The following DENND1B variants were observed in gnomAD, a reference collection of about 807,000 sequenced individuals.
DENND1B encodes the protein DENN domain-containing protein 1B.
A neutral mutation model predicts 90.1 loss-of-function variants in DENND1B; 59 were observed. The ratio of observed to expected loss-of-function variants is 0.65; its 90% CI spans 0.53 to 0.81. The LOEUF (loss-of-function observed/expected upper bound fraction) is 0.81, where lower values mean the gene tolerates loss of function less well. DENND1B is among the 40% of genes least tolerant of loss of function. The probability of loss-of-function intolerance (pLI) is 0.00; values close to 1 mark genes in which losing one functional copy is unlikely to be tolerated. For synonymous variants in DENND1B, 337 were observed against 324.6 expected (o/e 1.04, Z -0.41); for missense variants, 862 against 912.6 (o/e 0.94, Z 0.71).
At chr1:197,682,975 T>C (rs1166318254) in intron 3 of DENND1B, among the ~76,000 whole-genome samples, 3 of 152,192 alleles carry the variant, frequency 2.0e-5, no homozygotes, top group Non-Finnish European at 2.9e-5. Flanking sequence ...CATTCTCTTT[T>C]ACTTTCAAAA....
chr1:197,607,423 C>G (rs866520809), intron 12 of DENND1B, among the ~76,000 whole-genome samples: 1 of 150,678 alleles, frequency 6.6e-6, no homozygotes, highest in South Asian at 2.1e-4. Flanking sequence ...ATAACTACAA[C>G]AAAAATTCTT....
At chr1:197,583,035 T>C in intron 15 of DENND1B, 117 bp downstream of exon 15, 1 of 886,130 alleles carries the variant, frequency 1.1e-6, no homozygotes, top group Non-Finnish European at 1.8e-6. Flanking sequence ...AAACAAAAAT[T>C]TCCTGACATT....
At chr1:197,572,727 A>G (rs1212512933) in intron 15 of DENND1B, among the ~76,000 whole-genome samples, 1 of 152,190 alleles carries the variant, frequency 6.6e-6, no homozygotes, top group Non-Finnish European at 1.5e-5. Context: ...AAGATCAGGC[A>G]GCAATATTTA....
intron 2 of DENND1B, among the ~76,000 whole-genome samples, chr1:197,724,474 T>C (rs1425878631): frequency 6.6e-6 from 1 of 152,090 alleles, no homozygotes; most frequent in Admixed American, 6.6e-5. Flanking sequence ...TAGGAATGGA[T>C]CCTGTCACCC....
chr1:197,510,063 C>A lies in DENND1B; in HGVS notation c.*397G>T, dbSNP rs1667915676. ...GCAATTAGTGGGTTAACAGTTTCAT[C>A]AGCTTCAGGCTAGTTTTGATAAGTT... On this transcript the variant is annotated 3_prime_UTR_variant, in exon 23 of 23. Transcript: ENST00000620048. 2 of 160,356 alleles carry A rather than the reference C, an allele frequency of 1.2e-5. No individual in the cohort carries two copies. The highest frequency in any genetic ancestry group is 3.0e-3 in the Middle Eastern group (1 of 338). 9.9% of individuals were successfully genotyped at this position (160,356 alleles called of 1,614,324 possible).
chr1:197,613,575 ATG>A (rs1677375182), intron 11 of DENND1B, among the ~76,000 whole-genome samples: 1 of 150,848 alleles, frequency 6.6e-6, no homozygotes, highest in Non-Finnish European at 1.5e-5. Flanking sequence ...GGAGGAACAA[ATG>A]TGTACTGTTC....
Position 197,527,696 on chromosome 1 carries a change from T to A in DENND1B, c.1515+12268A>T, listed in dbSNP as rs142812318. Among the ~76,000 whole-genome samples the A allele has an allele frequency of 8.6e-3, 1,316 of 152,332 alleles. 9 individuals carry two copies. Among genetic ancestry groups the A allele is most frequent in the African/African-American group, 0.029 (1,218 of 41,572 alleles). On this transcript the variant is annotated intron_variant, in intron 20 of 22. Coordinates refer to ENST00000620048, the MANE Select transcript of DENND1B (RefSeq NM_001195215.2). Reference sequence around the variant, plus strand: ...ATAAAAATAAAGATTGTCTTGCTTATCATGATTTGATTCAATTATTTGTAT... The same window carrying A: ...ATAAAAATAAAGATTGTCTTGCTTAACATGATTTGATTCAATTATTTGTAT...
At chr1:197,750,158 T>C (rs961337891) in intron 2 of DENND1B, among the ~76,000 whole-genome samples, 1 of 152,094 alleles carries the variant, frequency 6.6e-6, no homozygotes, top group Non-Finnish European at 1.5e-5. Context: ...GGATTTTCTT[T>C]CATATAGAAA....
intron 3 of DENND1B, among the ~76,000 whole-genome samples, chr1:197,690,800 T>C (rs1439474420): frequency 6.6e-6 from 1 of 152,070 alleles, no homozygotes; most frequent in Non-Finnish European, 1.5e-5. Flanking sequence ...TTATGGAACA[T>C]TTTTGGGTTT....
At chr1:197,562,089 T>C (rs1334791549) in intron 15 of DENND1B, among the ~76,000 whole-genome samples, 1 of 151,922 alleles carries the variant, frequency 6.6e-6, no homozygotes, top group African/African-American at 2.4e-5. Flanking sequence ...GTAGTCCCCA[T>C]TTAACATACC....
intron 9 of DENND1B, 23 bp downstream of exon 9, chr1:197,645,667 A>T: frequency 6.9e-7 from 1 of 1,452,558 alleles, no homozygotes; most frequent in Non-Finnish European, 9.2e-7. Context: ...AAGAATAATT[A>T]AAGTAGAAAA....
Position 197,611,987 on chromosome 1 carries a change from A to T in DENND1B, c.774-11T>A, listed in dbSNP as rs1445528855. 6.3e-7 allele frequency: 1 copy of T among 1,592,454 alleles called. No homozygotes were observed. Among genetic ancestry groups the T allele is most frequent in the Non-Finnish European group, 8.6e-7 (1 of 1,163,362 alleles). On this transcript the variant is annotated splice_polypyrimidine_tract_variant and intron_variant, in intron 11 of 22. Coordinates refer to ENST00000620048, the MANE Select transcript of DENND1B (RefSeq NM_001195215.2). ...TATGGCATTGGGGCACTAAATTAAA[A>T]ATATATATATGCATAGATTCATATA...
intron 14 of DENND1B, among the ~76,000 whole-genome samples, chr1:197,594,355 T>A (rs889602794): frequency 7.9e-5 from 12 of 152,140 alleles, no homozygotes; most frequent in African/African-American, 2.9e-4. Context: ...TGAGTTATCC[T>A]GAAAGATAGA....
intron 15 of DENND1B, among the ~76,000 whole-genome samples, chr1:197,575,508 G>C (rs573836312): frequency 1.3e-5 from 2 of 152,254 alleles, no homozygotes; most frequent in East Asian, 3.9e-4. Context: ...TTCAACCATT[G>C]TGGAAAAAAG....
chr1:197,775,727 C>G (rs1657229332), upstream of DENND1B: 1 of 152,368 alleles, frequency 6.6e-6, no homozygotes, highest in Admixed American at 6.5e-5. Context: ...GGCTTCCTTT[C>G]TGGGTCCAGT....
At chr1:197,567,816 A>G (rs1321055398) in intron 15 of DENND1B, among the ~76,000 whole-genome samples, 4 of 152,272 alleles carry the variant, frequency 2.6e-5, no homozygotes, top group African/African-American at 9.6e-5. Context: ...TCTCACCACA[A>G]TAAAAGGAAA....
intron 14 of DENND1B, among the ~76,000 whole-genome samples, chr1:197,593,237 T>C (rs953723686): frequency 6.6e-6 from 1 of 151,562 alleles, no homozygotes; most frequent in African/African-American, 2.4e-5. Context: ...AACTATCTCT[T>C]GTGAAAATAA....
chr1:197,731,273 C>T (rs923733414), intron 2 of DENND1B, among the ~76,000 whole-genome samples: 1 of 151,974 alleles, frequency 6.6e-6, no homozygotes, highest in African/African-American at 2.4e-5. Context: ...GGCTGAGAAA[C>T]TATAGCAGGA....
chr1:197,577,762 A>G (rs994829705), intron 15 of DENND1B, among the ~76,000 whole-genome samples: 12 of 152,168 alleles, frequency 7.9e-5, no homozygotes, highest in African/African-American at 2.9e-4. Flanking sequence ...CCATTACCTG[A>G]AGAGAAATTC....
Sources: allele counts gnomAD v4.1 joint callset (sites outside exome capture counted in the v4.1 genomes callset), GRCh38; gene constraint gnomAD v4.1.1; transcripts MANE v1.5; gene names NCBI Gene and HGNC (gene_info 2026-07-23, HGNC 2026-07-21).